RMND1: variants seen among roughly 807,000 people sequenced by gnomAD.
RMND1 encodes required for meiotic nuclear division 1 homolog.
In RMND1, 41 loss-of-function variants were observed where a neutral mutation model predicts 54.0. The observed-to-expected ratio is 0.76, with a 90% CI of 0.59 to 0.98. RMND1 has a LOEUF of 0.98. Among genes scored for constraint, RMND1 ranks in the 50% least tolerant of loss-of-function variants. The probability of loss-of-function intolerance (pLI) is 0.00; values close to 1 mark genes in which losing one functional copy is unlikely to be tolerated. For missense variants in RMND1, 457 were observed against 532.0 expected, an observed-to-expected ratio of 0.86 and a Z score of 1.39; for synonymous variants, 183 against 181.7, an observed-to-expected ratio of 1.01 and a Z score of -0.06.
intron 2 of RMND1, 32 bp from the exon 3 acceptor site, chr6:151,436,586 A>T: frequency 6.2e-7 from 1 of 1,609,226 alleles, no homozygotes. Flanking sequence ...AACATGGGTT[A>T]CCAAGAGGCT....
intron 1 of RMND1, among the ~76,000 whole-genome samples, chr6:151,449,697 G>A (rs978142398): frequency 6.6e-6 from 1 of 152,002 alleles, no homozygotes; most frequent in East Asian, 1.9e-4. Context: ...CTCTGATGCC[G>A]AGCCGAAGCT....
chr6:151,443,374 T>C (rs1221294186), intron 2 of RMND1, among the ~76,000 whole-genome samples: 1 of 152,160 alleles, frequency 6.6e-6, no homozygotes, highest in African/African-American at 2.4e-5. Flanking sequence ...TGCAGTGGCA[T>C]GATCTCAGCT....
chr6:151,417,175 T>C lies in RMND1; in HGVS notation c.1200+104A>G, dbSNP rs181135477. On this transcript the variant is annotated intron_variant, in intron 10 of 11. Transcript: ENST00000444024. ...ACAAGAAGGGGAAATATAAAGAGATTTGAATGGAAGTCAAACAAGATATTT... is the reference window on the plus strand; with the variant it reads ...ACAAGAAGGGGAAATATAAAGAGATCTGAATGGAAGTCAAACAAGATATTT... The C allele has an allele frequency of 9.1e-5, 116 of 1,277,740 alleles. 1 individual carries two copies. In the African/African-American group the frequency reaches 1.3e-3, roughly 14 times the overall value. The allele number at this position is 1,277,740 out of a possible 1,614,324, so 79.2% of individuals were successfully genotyped here.
At chr6:151,448,229 A>G (rs1332033440) in intron 1 of RMND1, among the ~76,000 whole-genome samples, 1 of 152,080 alleles carries the variant, frequency 6.6e-6, no homozygotes, top group Non-Finnish European at 1.5e-5. Context: ...TCCTCATCTC[A>G]GTTTCATCCA....
At position 151,422,553 on chromosome 6, in the gene RMND1, C is replaced by T; in HGVS notation, c.990G>A (p.Gln330=). The change falls in exon 8 of 12, where the codon CAG becomes CAA. Residue 330 remains glutamine (Q), a synonymous_variant. Coordinates refer to ENST00000444024, the MANE Select transcript of RMND1 (RefSeq NM_017909.4). ...ASLDKFIESI[Q]SIPEALKAGK... ...TTGATATAATTACCTCAGGAATTGA[C>T]TGAATAGATTCAATAAATTTATCCA... 2.6e-6 allele frequency: 4 copies of T among 1,515,932 alleles called. No homozygotes were observed. The highest frequency in any genetic ancestry group is 1.4e-5 in the African/African-American group (1 of 71,902). 93.9% of individuals were successfully genotyped at this position (1,515,932 alleles called of 1,614,324 possible). A position where few individuals can be genotyped will look rare whatever the true frequency, so the allele number is the denominator to read the frequency against.
intron 6 of RMND1, among the ~76,000 whole-genome samples, chr6:151,424,039 T>G (rs914755121): frequency 5.9e-5 from 9 of 152,002 alleles, no homozygotes; most frequent in Non-Finnish European, 1.2e-4. Flanking sequence ...TTAATAGAGA[T>G]AGAGTTTCAC....
chr6:151,428,087 G>T (rs115943828), intron 5 of RMND1, among the ~76,000 whole-genome samples: 2,355 of 151,936 alleles, frequency 0.015, 52 homozygotes, highest in African/African-American at 0.051. Flanking sequence ...AATGTCAGCC[G>T]GTGTGACAGA....
intron 2 of RMND1, among the ~76,000 whole-genome samples, chr6:151,438,169 C>T (rs1259283911): frequency 1.3e-5 from 2 of 152,168 alleles, no homozygotes; most frequent in Non-Finnish European, 2.9e-5. Flanking sequence ...CTTTTTAAGG[C>T]TTCATGGAGT....
At chr6:151,427,911 C>T (rs760309571) in intron 5 of RMND1, among the ~76,000 whole-genome samples, 3 of 151,930 alleles carry the variant, frequency 2.0e-5, no homozygotes, top group African/African-American at 4.8e-5. Flanking sequence ...GAGGCAGAGG[C>T]GGGTGGATCC....
At chr6:151,448,539 CTCTT>C (rs1249682283) in intron 1 of RMND1, among the ~76,000 whole-genome samples, 1 of 152,212 alleles carries the variant, frequency 6.6e-6, no homozygotes, top group Non-Finnish European at 1.5e-5. Context: ...TCCAGCTTGA[CTCTT>C]TATTCTCCAT....
chr6:151,449,348 G>A (rs1437003987), intron 1 of RMND1, among the ~76,000 whole-genome samples: 27 of 146,466 alleles, frequency 1.8e-4, no homozygotes, highest in Non-Finnish European at 3.6e-4. Context: ...AAGTCTGGGC[G>A]ACAGAGTGAG....
At chr6:151,426,066 C>CGCCTCT (rs1216087821) in intron 6 of RMND1, among the ~76,000 whole-genome samples, 1 of 151,882 alleles carries the variant, frequency 6.6e-6, no homozygotes, top group Non-Finnish European at 1.5e-5. Context: ...CCTCCGCCTC[C>CGCCTCT]GCCTCCCAAG....
At chr6:151,447,429 C>T (rs1287460776) in intron 1 of RMND1, among the ~76,000 whole-genome samples, 1 of 152,160 alleles carries the variant, frequency 6.6e-6, no homozygotes, top group Admixed American at 6.5e-5. Context: ...CATAATGATC[C>T]CATTTCACTG....
At chr6:151,451,744 C>A (rs1781207132) in intron 1 of RMND1, among the ~76,000 whole-genome samples, 2 of 152,162 alleles carry the variant, frequency 1.3e-5, no homozygotes, top group South Asian at 4.1e-4. Flanking sequence ...CTAAGTGGCG[C>A]TCATCTTTGG....
chr6:151,414,677 A>G (rs963380814), intron 10 of RMND1, among the ~76,000 whole-genome samples: 1 of 152,240 alleles, frequency 6.6e-6, no homozygotes, highest in Non-Finnish European at 1.5e-5. Flanking sequence ...TGGGCAGCAG[A>G]ACGAATGTAA....
intron 8 of RMND1, 26 bp from the exon 9 acceptor site, chr6:151,421,347 C>CA (rs35844699): frequency 1.9e-5 from 29 of 1,545,408 alleles, no homozygotes; most frequent in Non-Finnish European, 2.3e-5. Context: ...TCGGAAAAAC[C>CA]AAAAAACCAT....
chr6:151,408,881 G>A (rs1214018694), intron 10 of RMND1: 1 of 152,204 alleles, frequency 6.6e-6, no homozygotes. Flanking sequence ...CTTAACTTTA[G>A]GCCATGCCAG....
At chr6:151,416,297 C>T (rs1311373550) in intron 10 of RMND1, among the ~76,000 whole-genome samples, 1 of 151,968 alleles carries the variant, frequency 6.6e-6, no homozygotes, top group Non-Finnish European at 1.5e-5. Context: ...GTGTCTTGAT[C>T]ATGTGGTTGC....
At chr6:151,410,986 G>A (rs1186623584) in intron 10 of RMND1, among the ~76,000 whole-genome samples, 1 of 152,058 alleles carries the variant, frequency 6.6e-6, no homozygotes, top group Non-Finnish European at 1.5e-5. Context: ...TTGGAGATAA[G>A]TCTCACTCTG....
Sources: gnomAD v4.1 joint callset for allele counts (sites outside exome capture counted in the v4.1 genomes callset) on GRCh38, gnomAD v4.1.1 for gene constraint, MANE v1.5 for transcripts, NCBI Gene and HGNC (gene_info 2026-07-23, HGNC 2026-07-21) for gene names.